FBXO34: variants seen among roughly 807,000 people sequenced by gnomAD.
FBXO34 encodes the protein F-box protein 34, also known as F-box only protein 34.
A neutral mutation model predicts 24.5 loss-of-function variants in FBXO34; 12 were observed. The observed-to-expected ratio is 0.49, with a 90% CI of 0.31 to 0.79. The LOEUF is 0.79. Ranked by LOEUF, FBXO34 falls within the 30% of genes least tolerant of loss-of-function variation. The probability of loss-of-function intolerance (pLI) is 0.04; values close to 1 mark genes in which losing one functional copy is unlikely to be tolerated. For synonymous variants in FBXO34, 320 were observed against 311.9 expected (o/e 1.03, Z -0.27); for missense variants, 823 against 857.7 (o/e 0.96, Z 0.51).
the FBXO34 span, among the ~76,000 whole-genome samples, chr14:55,434,136 A>C: frequency 6.6e-6 from 1 of 152,212 alleles, no homozygotes; most frequent in Non-Finnish European, 1.5e-5. Context: ...CTTTTGAAGA[A>C]TCTTTTGGGA....
At chr14:55,395,678 A>T in the FBXO34 span, among the ~76,000 whole-genome samples, 1 of 152,218 alleles carries the variant, frequency 6.6e-6, no homozygotes, top group Non-Finnish European at 1.5e-5. Flanking sequence ...TTTTGCAAAA[A>T]AGAATAACAG....
At chr14:55,411,871 G>T in the FBXO34 span, 9 of 1,511,868 alleles carry the variant, frequency 6.0e-6, no homozygotes, top group Non-Finnish European at 8.1e-6. Context: ...TTTCAACCGG[G>T]TGCATTCTGG....
chr14:55,302,453 G>GTTT (rs796083398), intron 1 of FBXO34, among the ~76,000 whole-genome samples: 1 of 133,460 alleles, frequency 7.5e-6, no homozygotes, highest in Non-Finnish European at 1.6e-5. Context: ...CCTCTTTTTT[G>GTTT]TTTTTTTTTT....
chr14:55,407,554 T>C, the FBXO34 span, among the ~76,000 whole-genome samples: 1 of 152,212 alleles, frequency 6.6e-6, no homozygotes. Flanking sequence ...CATGAGCCAC[T>C]GCGCCCAACC....
At chr14:55,388,172 CT>C in the FBXO34 span, among the ~76,000 whole-genome samples, 6 of 152,184 alleles carry the variant, frequency 3.9e-5, no homozygotes, top group Admixed American at 3.9e-4. Context: ...TGCCATCCTG[CT>C]TAATGTGAAT....
intron 1 of FBXO34, among the ~76,000 whole-genome samples, chr14:55,291,330 A>G (rs1354733827): frequency 6.6e-6 from 1 of 152,226 alleles, no homozygotes. Context: ...CTATGCTTAC[A>G]TACTGATGAT....
At chr14:55,323,107 C>T (rs1361699256) in intron 1 of FBXO34, among the ~76,000 whole-genome samples, 1 of 132,132 alleles carries the variant, frequency 7.6e-6, no homozygotes, top group Non-Finnish European at 1.5e-5. Context: ...ATGGCGTGAA[C>T]CCGGGAGGCA....
downstream of FBXO34, among the ~76,000 whole-genome samples, chr14:55,372,528 T>C (rs1363906922): frequency 6.6e-6 from 1 of 151,966 alleles, no homozygotes; most frequent in Non-Finnish European, 1.5e-5. Context: ...TTACCACAGC[T>C]CACTCCTCCC....
In FBXO34 at chr14:55,353,131, A is replaced by G. The variant is rs1053948191; in HGVS notation, c.*605A>G. On this transcript the variant is annotated 3_prime_UTR_variant, in exon 2 of 2. Coordinates refer to ENST00000313833, the MANE Select transcript of FBXO34 (RefSeq NM_017943.4). ...TCATGGGGCTATGAAAGTGCACGTT[A>G]AACCTGAGCGCCTTTACCTTTAGAT... is the stretch of plus-strand genomic sequence containing the variant. The G allele has an allele frequency of 3.0e-5, 5 of 167,440 alleles. No homozygotes were observed. Among genetic ancestry groups the G allele is most frequent in the African/African-American group, 1.2e-4 (5 of 41,434 alleles). 10.4% of individuals were successfully genotyped at this position (167,440 alleles called of 1,614,324 possible).
the FBXO34 span, among the ~76,000 whole-genome samples, chr14:55,407,086 C>T: frequency 2.6e-4 from 39 of 152,066 alleles, no homozygotes; most frequent in Admixed American, 2.1e-3. Context: ...CTCAGCTTCC[C>T]GAGTAGCTGG....
At chr14:55,383,941 C>CCT in the FBXO34 span, among the ~76,000 whole-genome samples, 1 of 152,140 alleles carries the variant, frequency 6.6e-6, no homozygotes, top group Non-Finnish European at 1.5e-5. Context: ...CTGGGAAGGG[C>CCT]CTTCTGTGCT....
At chr14:55,413,914 T>C in the FBXO34 span, 7 of 464,346 alleles carry the variant, frequency 1.5e-5, no homozygotes, top group African/African-American at 9.9e-5. Flanking sequence ...CACTCCTTTT[T>C]GAAAAGCAGC....
At chr14:55,403,433 T>C in the FBXO34 span, among the ~76,000 whole-genome samples, 1 of 152,294 alleles carries the variant, frequency 6.6e-6, no homozygotes, top group Admixed American at 6.5e-5. Flanking sequence ...AGTTCCTTCA[T>C]TCAGCTTACT....
chr14:55,336,868 G>GCACACACACACA (rs3051328), intron 1 of FBXO34, among the ~76,000 whole-genome samples: 39 of 144,266 alleles, frequency 2.7e-4, no homozygotes, highest in African/African-American at 9.1e-4. Context: ...ATACATGCAC[G>GCACACACACACA]CACACACACA....
At chr14:55,404,631 G>C in the FBXO34 span, among the ~76,000 whole-genome samples, 1 of 152,174 alleles carries the variant, frequency 6.6e-6, no homozygotes, top group African/African-American at 2.4e-5. Context: ...GGCATTCCAG[G>C]AATCTTCACA....
intron 1 of FBXO34, among the ~76,000 whole-genome samples, chr14:55,288,849 G>A (rs1566541619): frequency 6.6e-6 from 1 of 152,116 alleles, no homozygotes; most frequent in Non-Finnish European, 1.5e-5. Context: ...TCAGGAGTTC[G>A]AGACCAGCTT....
chr14:55,295,387 A>ATTTTTTTTTTTTTTTTTT (rs3051307), intron 1 of FBXO34, among the ~76,000 whole-genome samples: 1 of 91,410 alleles, frequency 1.1e-5, no homozygotes, highest in Non-Finnish European at 2.0e-5. Context: ...ATTCTTTTCT[A>ATTTTTTTTTTTTTTTTTT]TTTTTTTTTT....
At chr14:55,274,860 C>T (rs1280065598) in intron 1 of FBXO34, among the ~76,000 whole-genome samples, 1 of 152,162 alleles carries the variant, frequency 6.6e-6, no homozygotes, top group East Asian at 1.9e-4. Context: ...CTGTTTAGAA[C>T]CAGATACTTG....
chr14:55,298,840 AG>A, intron 1 of FBXO34: 2 of 1,612,796 alleles, frequency 1.2e-6, no homozygotes, highest in South Asian at 2.2e-5. Context: ...TATGAGAAGC[AG>A]CTGGCGCAGA....
Sources: gnomAD v4.1 joint callset for allele counts (sites outside exome capture counted in the v4.1 genomes callset) on GRCh38, gnomAD v4.1.1 for gene constraint, MANE v1.5 for transcripts, NCBI Gene and HGNC (gene_info 2026-07-23, HGNC 2026-07-21) for gene names.